Variants in TTI1 observed in about 807,000 individuals in gnomAD.
TTI1 encodes TELO2-interacting protein 1 homolog.
TTI1 carries 52 observed loss-of-function variants against 85.4 expected under a neutral mutation model. The observed-to-expected ratio is 0.61, with a 90% CI of 0.49 to 0.77. TTI1 has a LOEUF of 0.77. TTI1 is among the 30% of genes least tolerant of loss of function. TTI1 has a pLI of 0.00. For synonymous variants in TTI1, 512 were observed against 503.9 expected, an observed-to-expected ratio of 1.02 and a Z score of -0.22; for missense variants, 1,173 against 1,296.0, an observed-to-expected ratio of 0.91 and a Z score of 1.46.
rs148752956 is a variant in TTI1 at position 37,999,319 on chromosome 20, C to T, written c.2662G>A (p.Val888Met). ...NLQIRLKVLD[V>M]LDLCVVVLQS... Reference sequence around the variant, plus strand: ...AGAACAACCACACACAGATCCAGCACATCCAAGACCTGAAAGAGACACGAT... The same window carrying T: ...AGAACAACCACACACAGATCCAGCATATCCAAGACCTGAAAGAGACACGAT... Residue 888 changes from valine to methionine, a missense_variant, in exon 5 of 8, where the codon GTG (valine) becomes ATG (methionine). Val to Met is a conservative substitution (Grantham distance 21). Transcript: ENST00000373447. 346 of 1,422,644 alleles carry T rather than the reference C, an allele frequency of 2.4e-4. No individual in the cohort carries two copies. Among genetic ancestry groups the T allele is most frequent in the Non-Finnish European group, 3.0e-4 (325 of 1,079,442 alleles). The allele number at this position is 1,422,644 out of a possible 1,614,324, so 88.1% of individuals were successfully genotyped here. A position where few individuals can be genotyped will look rare whatever the true frequency, so the allele number is the denominator to read the frequency against.
At chr20:38,025,674 C>G (rs527728693) in intron 1 of TTI1, among the ~76,000 whole-genome samples, 4 of 151,474 alleles carry the variant, frequency 2.6e-5, no homozygotes, top group Admixed American at 2.0e-4. Flanking sequence ...TAAAACAGTA[C>G]GATTAAAATG....
At chr20:38,023,130 T>C (rs2073791920) in intron 1 of TTI1, among the ~76,000 whole-genome samples, 1 of 152,318 alleles carries the variant, frequency 6.6e-6, no homozygotes, top group Admixed American at 6.5e-5. Context: ...TCAGGCAATG[T>C]GCTAGGTATT....
chr20:37,993,652 T>C (rs1351386995), intron 7 of TTI1, among the ~76,000 whole-genome samples: 1 of 152,118 alleles, frequency 6.6e-6, no homozygotes, highest in Non-Finnish European at 1.5e-5. Context: ...ACAGGAGGCC[T>C]GGGAGCAGCC....
intron 7 of TTI1, among the ~76,000 whole-genome samples, chr20:37,994,730 C>A: frequency 6.6e-6 from 1 of 152,132 alleles, no homozygotes; most frequent in South Asian, 2.1e-4. Flanking sequence ...AACACTTGAA[C>A]GGAATGTGCT....
intron 2 of TTI1, among the ~76,000 whole-genome samples, chr20:38,008,759 A>T (rs2073537606): frequency 6.6e-6 from 1 of 152,242 alleles, no homozygotes; most frequent in East Asian, 1.9e-4. Flanking sequence ...ATTCTATGAC[A>T]AACAGAAATG....
chr20:38,030,738 T>TTAC (rs2073896097), intron 1 of TTI1, among the ~76,000 whole-genome samples: 1 of 152,198 alleles, frequency 6.6e-6, no homozygotes, highest in Non-Finnish European at 1.5e-5. Context: ...CAGTCTCTTT[T>TTAC]TACACCTTAT....
At chr20:38,009,264 G>A (rs528447078) in intron 2 of TTI1, among the ~76,000 whole-genome samples, 185 of 152,172 alleles carry the variant, frequency 1.2e-3, no homozygotes, top group Non-Finnish European at 9.6e-4. Context: ...GGGGCTCCAC[G>A]AGGGCAGGCC....
Position 38,012,155 on chromosome 20 carries a change from T to A in TTI1, c.1662A>T (p.Arg554Ser). The A allele has an allele frequency of 6.2e-7, 1 of 1,614,212 alleles. No homozygotes were observed. The highest frequency in any genetic ancestry group is 2.2e-5 in the East Asian group (1 of 44,880). The change falls in exon 2 of 8, where the codon AGA becomes AGT. Residue 554 changes from arginine (R) to serine (S), a missense_variant. Coordinates refer to ENST00000373447, the MANE Select transcript of TTI1 (RefSeq NM_001303457.2). ...KHIKTNPEEL[R>S]EIVTSILEEY... ...CTTCAAGTATAGATGTCACAATCTC[T>A]CTCAGTTCTTCTGGGTTTGTTTTAA...
In TTI1 at chr20:38,012,111, T is replaced by G. The variant is rs1283998385; in HGVS notation, c.1706A>C (p.Asn569Thr). ...TTCAAGACAGGTAACCAAATACCAA[T>G]TTTCTTGACTTGTGTATTCTTCAAG... ...SILEEYTSQENWYLVTCLETE... is the reference protein window; with the variant it reads ...SILEEYTSQETWYLVTCLETE... Residue 569 changes from asparagine (N) to threonine (T), a missense_variant, in exon 2 of 8, where the codon AAT becomes ACT. Transcript: ENST00000373447. The G allele has an allele frequency of 2.5e-6, 4 of 1,614,088 alleles. No homozygotes were observed. Among genetic ancestry groups the G allele is most frequent in the Non-Finnish European group, 3.4e-6 (4 of 1,180,048 alleles).
At chr20:38,023,546 T>C (rs775248603) in intron 1 of TTI1, among the ~76,000 whole-genome samples, 8 of 152,240 alleles carry the variant, frequency 5.3e-5, no homozygotes, top group South Asian at 2.1e-4. Flanking sequence ...ATAATCCATC[T>C]GGTTGCAGTG....
At chr20:38,008,217 T>G (rs1029007865) in intron 2 of TTI1, among the ~76,000 whole-genome samples, 3 of 152,196 alleles carry the variant, frequency 2.0e-5, no homozygotes, top group African/African-American at 7.2e-5. Context: ...AGAGAGCAAT[T>G]TGATACTCTC....
chr20:38,016,665 A>C (rs1476367443), intron 1 of TTI1, among the ~76,000 whole-genome samples: 1 of 152,200 alleles, frequency 6.6e-6, no homozygotes, highest in Non-Finnish European at 1.5e-5. Context: ...GACACCTTTC[A>C]AATCTGCTGA....
At position 38,006,245 on chromosome 20, in the gene TTI1, C is replaced by T. The variant is rs2073496376; in HGVS notation, c.2455G>A (p.Glu819Lys). Residue 819 changes from glutamate (E) to lysine (K), a missense_variant, in exon 3 of 8, where the codon GAG (glutamate) becomes AAG (lysine). Glu to Lys is a moderately conservative substitution (Grantham distance 56). Coordinates refer to ENST00000373447, the MANE Select transcript of TTI1 (RefSeq NM_001303457.2). ...ACATTTCCATCTGCCACATCCTTCT[C>T]TTTGAGGTAGTTCAGCAAAAACTGT... ...IEQFLLNYLK[E>K]KDVADGNVSD... 11 of 1,614,222 alleles carry T rather than the reference C, an allele frequency of 6.8e-6. No individual in the cohort carries two copies. Among genetic ancestry groups the T allele is most frequent in the Non-Finnish European group, 9.3e-6 (11 of 1,180,038 alleles).
intron 7 of TTI1, chr20:37,987,554 GATT>G (rs1458134358): frequency 2.8e-6 from 1 of 359,192 alleles, no homozygotes; most frequent in African/African-American, 2.1e-5. Context: ...GTTATCAAGA[GATT>G]ATCTGGTCCC....
chr20:38,001,726 T>C (rs921886282), intron 4 of TTI1, among the ~76,000 whole-genome samples: 2 of 149,548 alleles, frequency 1.3e-5, no homozygotes, highest in East Asian at 1.9e-4. Flanking sequence ...TTCTCTCTCT[T>C]TTTTTTTTTG....
Position 38,013,723 on chromosome 20 carries a change from G to C in TTI1, c.94C>G (p.His32Asp). 1 of 1,614,200 alleles carries C rather than the reference G, an allele frequency of 6.2e-7. No homozygotes were observed. Among genetic ancestry groups the C allele is most frequent in the Middle Eastern group, 1.6e-4 (1 of 6,062 alleles). ...TKTQTVENVE[H>D]LQTRLQAVSD... ...ACAGCTTGTAGTCGTGTCTGCAGAT[G>C]CTCCACATTCTCCACTGTCTGGGTC... is the stretch of plus-strand genomic sequence containing the variant. The change falls in exon 2 of 8, where the codon CAT (histidine) becomes GAT (aspartate). Residue 32 changes from histidine (H) to aspartate (D), a missense_variant. His to Asp is a moderately conservative substitution (Grantham distance 81). Coordinates refer to ENST00000373447, the MANE Select transcript of TTI1 (RefSeq NM_001303457.2).
chr20:38,009,321 C>T (rs181691718), intron 2 of TTI1, among the ~76,000 whole-genome samples: 53 of 152,288 alleles, frequency 3.5e-4, no homozygotes, highest in Admixed American at 7.2e-4. Flanking sequence ...TAGCCCACTA[C>T]ACAGGCTTCC....
chr20:38,023,511 G>A (rs1255345358), intron 1 of TTI1, among the ~76,000 whole-genome samples: 5 of 152,152 alleles, frequency 3.3e-5, no homozygotes, highest in Non-Finnish European at 5.9e-5. Flanking sequence ...AGAACAAGTC[G>A]TATGATGAAA....
chr20:38,006,053 C>T, intron 3 of TTI1, 144 bp downstream of exon 3: 1 of 938,630 alleles, frequency 1.1e-6, no homozygotes, highest in East Asian at 2.5e-5. Flanking sequence ...AAAGATTACA[C>T]AAAACAGGAG....
Sources: allele counts gnomAD v4.1 joint callset (sites outside exome capture counted in the v4.1 genomes callset), GRCh38; gene constraint gnomAD v4.1.1; transcripts MANE v1.5; gene names NCBI Gene and HGNC (gene_info 2026-07-23, HGNC 2026-07-21).